MDFIC: variants seen among roughly 807,000 people sequenced by gnomAD.
The protein encoded by MDFIC is myoD family inhibitor domain-containing protein.
A neutral mutation model predicts 23.2 loss-of-function variants in MDFIC; 17 were observed. That is an observed-to-expected ratio of 0.73 (90% confidence interval 0.50 to 1.10). MDFIC has a LOEUF of 1.10. Among genes scored for constraint, MDFIC ranks in the 50% least tolerant of loss-of-function variants. The pLI, the probability that MDFIC is intolerant of heterozygous loss-of-function variation, is 0.00. For synonymous variants in MDFIC, 120 were observed against 115.2 expected (o/e 1.04, Z -0.27); for missense variants, 356 against 316.6 (o/e 1.12, Z -0.95).
At chr7:114,939,711 T>C (rs1045034228) in intron 2 of MDFIC, among the ~76,000 whole-genome samples, 2 of 152,220 alleles carry the variant, frequency 1.3e-5, no homozygotes, top group Non-Finnish European at 2.9e-5. Flanking sequence ...GATTCAAATA[T>C]GAGTCAAGTG....
chr7:114,969,725 G>A (rs986008206), intron 3 of MDFIC, among the ~76,000 whole-genome samples: 6 of 152,130 alleles, frequency 3.9e-5, no homozygotes, highest in African/African-American at 1.4e-4. Flanking sequence ...TAAACATGCA[G>A]ATGATGTCAC....
chr7:115,002,379 C>T (rs2116086486), intron 4 of MDFIC, among the ~76,000 whole-genome samples: 1 of 152,304 alleles, frequency 6.6e-6, no homozygotes, highest in Non-Finnish European at 1.5e-5. Flanking sequence ...TGTGTGGTCT[C>T]AGGTCTCAAC....
intron 2 of MDFIC, among the ~76,000 whole-genome samples, chr7:114,932,395 C>T (rs193133183): frequency 2.6e-5 from 4 of 151,454 alleles, no homozygotes; most frequent in East Asian, 1.9e-4. Flanking sequence ...TTGGAATAGG[C>T]GACATAAAAA....
chr7:114,950,828 G>C (rs1044322018), intron 3 of MDFIC, among the ~76,000 whole-genome samples: 2 of 152,152 alleles, frequency 1.3e-5, no homozygotes, highest in African/African-American at 2.4e-5. Context: ...AATAGGTAAA[G>C]CTGGGTTTTT....
At chr7:114,942,432 G>T in intron 3 of MDFIC, 35 bp downstream of exon 3, 3 of 1,525,340 alleles carry the variant, frequency 2.0e-6, no homozygotes, top group South Asian at 2.5e-5. Context: ...GAGTGATTTT[G>T]GGATATGACT....
At chr7:115,008,936 T>G (rs1343913481) in intron 4 of MDFIC, among the ~76,000 whole-genome samples, 1 of 152,216 alleles carries the variant, frequency 6.6e-6, no homozygotes, top group African/African-American at 2.4e-5. Context: ...GGGCAGGTGA[T>G]AGTCGTAGCA....
intron 3 of MDFIC, among the ~76,000 whole-genome samples, chr7:114,970,138 C>T (rs976173430): frequency 6.6e-6 from 1 of 152,168 alleles, no homozygotes; most frequent in African/African-American, 2.4e-5. Context: ...GGTCTGGGTT[C>T]TGTCCCAGTG....
At chr7:114,960,389 G>A (rs975031967) in intron 3 of MDFIC, among the ~76,000 whole-genome samples, 2 of 152,124 alleles carry the variant, frequency 1.3e-5, no homozygotes, top group Non-Finnish European at 2.9e-5. Context: ...AGGGAGAAAA[G>A]TAGAGCTTGA....
At chr7:115,006,001 G>T (rs1791563039) in intron 4 of MDFIC, among the ~76,000 whole-genome samples, 1 of 152,118 alleles carries the variant, frequency 6.6e-6, no homozygotes, top group Admixed American at 6.5e-5. Context: ...GCTTCATCTT[G>T]CCTGGCCTGT....
intron 3 of MDFIC, among the ~76,000 whole-genome samples, chr7:114,942,652 A>G (rs902372360): frequency 6.6e-6 from 1 of 152,192 alleles, no homozygotes; most frequent in Non-Finnish European, 1.5e-5. Context: ...GTCAAAATTC[A>G]GTTCCTTTTT....
chr7:114,923,382 G>A (rs1792130131), intron 2 of MDFIC: 2 of 1,405,822 alleles, frequency 1.4e-6, no homozygotes, highest in Middle Eastern at 1.8e-4. Context: ...CAGGATGACA[G>A]GATTGCTTCT....
chr7:114,966,733 A>T (rs573656502), intron 3 of MDFIC, among the ~76,000 whole-genome samples: 21 of 152,244 alleles, frequency 1.4e-4, no homozygotes, highest in African/African-American at 4.6e-4. Flanking sequence ...GAATTACCTG[A>T]AAGCTTTTTT....
At chr7:114,978,769 A>T (rs971198700) in intron 3 of MDFIC, among the ~76,000 whole-genome samples, 4 of 152,062 alleles carry the variant, frequency 2.6e-5, no homozygotes, top group African/African-American at 9.7e-5. Context: ...TAGAAGTCAG[A>T]CCTATTAAAT....
At chr7:114,949,684 C>T (rs1303682441) in intron 3 of MDFIC, among the ~76,000 whole-genome samples, 1 of 152,172 alleles carries the variant, frequency 6.6e-6, no homozygotes, top group Non-Finnish European at 1.5e-5. Context: ...TCAAAGTTTA[C>T]AGTCTTGTGG....
intron 3 of MDFIC, among the ~76,000 whole-genome samples, chr7:114,968,779 G>C (rs1325230013): frequency 6.6e-6 from 1 of 152,080 alleles, no homozygotes; most frequent in Non-Finnish European, 1.5e-5. Flanking sequence ...GAACTTTGAG[G>C]GCTATGAGCA....
chr7:115,006,092 C>G (rs1791565758), intron 4 of MDFIC, among the ~76,000 whole-genome samples: 1 of 152,146 alleles, frequency 6.6e-6, no homozygotes, highest in Non-Finnish European at 1.5e-5. Flanking sequence ...TCAGGCGAGG[C>G]TCCTCCTGCC....
chr7:114,941,878 G>T (rs775367661), intron 2 of MDFIC, among the ~76,000 whole-genome samples: 1 of 151,984 alleles, frequency 6.6e-6, no homozygotes, highest in Non-Finnish European at 1.5e-5. Flanking sequence ...GCCGACTTTC[G>T]TCTCTACCAC....
intron 3 of MDFIC, among the ~76,000 whole-genome samples, chr7:114,956,972 T>C (rs188996577): frequency 1.2e-3 from 183 of 152,316 alleles, no homozygotes; most frequent in African/African-American, 4.2e-3. Flanking sequence ...GCTCCTTGGC[T>C]TAACCCTTAG....
At chr7:114,967,709 C>T (rs1227289940) in intron 3 of MDFIC, among the ~76,000 whole-genome samples, 3 of 151,868 alleles carry the variant, frequency 2.0e-5, no homozygotes, top group East Asian at 1.9e-4. Context: ...GTATTTAAGT[C>T]GGTTTGCAGC....
Sources: gnomAD v4.1 joint callset for allele counts (sites outside exome capture counted in the v4.1 genomes callset) on GRCh38, gnomAD v4.1.1 for gene constraint, MANE v1.5 for transcripts, NCBI Gene and HGNC (gene_info 2026-07-23, HGNC 2026-07-21) for gene names.